The following GLUD1 variants were observed in gnomAD, a reference collection of about 807,000 sequenced individuals.
GLUD1 encodes the protein glutamate dehydrogenase 1, mitochondrial.
In GLUD1, 22 loss-of-function variants were observed where a neutral mutation model predicts 56.0. The observed-to-expected ratio is 0.39, with a 90% CI of 0.28 to 0.56. GLUD1 has a LOEUF of 0.56. Ranked by LOEUF, GLUD1 falls within the 20% of genes least tolerant of loss-of-function variation. The pLI, the probability that GLUD1 is intolerant of heterozygous loss-of-function variation, is 0.58. For missense variants in GLUD1, 451 were observed against 732.0 expected, an observed-to-expected ratio of 0.62 and a Z score of 4.43; for synonymous variants, 223 against 269.9, an observed-to-expected ratio of 0.83 and a Z score of 1.70.
At position 87,060,693 on chromosome 10, in the gene GLUD1, C is replaced by G; in HGVS notation, c.1192G>C (p.Ala398Pro). The G allele has an allele frequency of 6.2e-7, 1 of 1,614,118 alleles. No individual in the cohort carries two copies. The highest frequency in any genetic ancestry group is 2.2e-5 in the East Asian group (1 of 44,876). Residue 398 changes from alanine to proline, a missense_variant, in exon 8 of 13, where the codon GCC (alanine) becomes CCC (proline). Around this residue, in one of 4 missense-constraint regions of GLUD1, gnomAD observed 248 missense variants for 460.0 expected, o/e 0.54. Coordinates refer to ENST00000277865, the MANE Select transcript of GLUD1 (RefSeq NM_005271.5). ...GGTTTCTATAATGTTGTCACCTTGG[C>G]TTTGACTCTGGGTGCGTTGGATTTG... is the stretch of plus-strand genomic sequence containing the variant. ...LTKSNAPRVK[A>P]KIIAEGANGP...
chr10:87,071,184 T>C (rs1846229044), intron 4 of GLUD1, among the ~76,000 whole-genome samples: 1 of 152,038 alleles, frequency 6.6e-6, no homozygotes. Context: ...TATATTCTTT[T>C]TGTTTTTTTT....
chr10:87,067,582 C>T (rs571783218), intron 5 of GLUD1: 7 of 171,744 alleles, frequency 4.1e-5, no homozygotes, highest in South Asian at 1.4e-4. Flanking sequence ...ACAAACTGAA[C>T]GCTATTGTTT....
intron 1 of GLUD1, among the ~76,000 whole-genome samples, chr10:87,077,387 G>A (rs186028359): frequency 1.2e-4 from 19 of 152,150 alleles, no homozygotes; most frequent in African/African-American, 4.3e-4. Flanking sequence ...TGTCTAAACA[G>A]AGGTTTTGGC....
chr10:87,066,443 T>C (rs978135871), intron 5 of GLUD1, among the ~76,000 whole-genome samples: 1 of 152,206 alleles, frequency 6.6e-6, no homozygotes, highest in African/African-American at 2.4e-5. Context: ...TTTTTTCTAC[T>C]GGCCTTTCTT....
chr10:87,090,399 G>T (rs933923584), intron 1 of GLUD1, among the ~76,000 whole-genome samples: 1 of 152,194 alleles, frequency 6.6e-6, no homozygotes, highest in East Asian at 1.9e-4. Context: ...TGGATAATGA[G>T]TGAGCAGCTG....
intron 1 of GLUD1, among the ~76,000 whole-genome samples, chr10:87,080,085 G>C (rs1468676276): frequency 1.3e-5 from 2 of 151,798 alleles, no homozygotes; most frequent in African/African-American, 4.8e-5. Context: ...TTGCAGGCGC[G>C]CGCCGCCACG....
At chr10:87,069,514 C>CAAAAA (rs374019349) in intron 4 of GLUD1, among the ~76,000 whole-genome samples, 2 of 62,620 alleles carry the variant, frequency 3.2e-5, no homozygotes, top group Non-Finnish European at 6.6e-5. Context: ...GACTCTGTTT[C>CAAAAA]AAAAAAAAAA....
chr10:87,094,104 G>C lies in GLUD1; in HGVS notation c.445+221C>G. The C allele has an allele frequency of 6.6e-7, 1 of 1,503,872 alleles. No individual in the cohort carries two copies. The highest frequency in any genetic ancestry group is 8.9e-7 in the Non-Finnish European group (1 of 1,128,466). 93.2% of individuals were successfully genotyped at this position (1,503,872 alleles called of 1,614,324 possible). ...AGCATATACAGAGGCCCGGGGTGAC[G>C]GCGCGGGGGAGGGGGCAGGCCAATC... is the stretch of plus-strand genomic sequence containing the variant. On this transcript the variant is annotated intron_variant, in intron 1 of 12. Transcript: ENST00000277865. This position sits in a 1 kb window ranked among gnomAD's most constrained non-coding sequence, Gnocchi z 6.6.
intron 4 of GLUD1, among the ~76,000 whole-genome samples, chr10:87,072,741 G>C (rs1302228115): frequency 6.6e-6 from 1 of 152,182 alleles, no homozygotes; most frequent in Non-Finnish European, 1.5e-5. Context: ...GCAGATATGG[G>C]TGACAAATAT....
intron 4 of GLUD1, among the ~76,000 whole-genome samples, chr10:87,074,160 G>A (rs1406167915): frequency 6.6e-6 from 1 of 152,050 alleles, no homozygotes; most frequent in East Asian, 1.9e-4. Flanking sequence ...AGCAAACAAA[G>A]ATTAATATCT....
At chr10:87,089,990 G>T (rs1181564699) in intron 1 of GLUD1, among the ~76,000 whole-genome samples, 1 of 152,104 alleles carries the variant, frequency 6.6e-6, no homozygotes, top group Non-Finnish European at 1.5e-5. Context: ...AAATTTATGG[G>T]CTATTTATGA....
intron 8 of GLUD1, 118 bp from the exon 9 acceptor site, chr10:87,060,359 A>G: frequency 2.5e-6 from 2 of 807,104 alleles, no homozygotes; most frequent in Non-Finnish European, 4.5e-6. Context: ...AGTTTCAGTT[A>G]AAGTTAAATA....
chr10:87,059,076 T>G, intron 10 of GLUD1, 74 bp downstream of exon 10: 1 of 1,553,948 alleles, frequency 6.4e-7, no homozygotes, highest in Non-Finnish European at 8.9e-7. Flanking sequence ...ATCAGTTCTC[T>G]TAAGTGGACC....
At chr10:87,093,519 C>T (rs1235570262) in intron 1 of GLUD1, among the ~76,000 whole-genome samples, 1 of 152,080 alleles carries the variant, frequency 6.6e-6, no homozygotes, top group Admixed American at 6.5e-5. Flanking sequence ...ATTATCTGAC[C>T]CCTTTCTTCA....
At position 87,094,546 on chromosome 10, in the gene GLUD1, T is replaced by A; in HGVS notation, c.224A>T (p.Asp75Val). The A allele has an allele frequency of 6.2e-7, 1 of 1,612,382 alleles. No homozygotes were observed. The highest frequency in any genetic ancestry group is 8.5e-7 in the Non-Finnish European group (1 of 1,179,940). The change falls in exon 1 of 13, where the codon GAT becomes GTT. Residue 75 changes from aspartate (D) to valine (V), a missense_variant. By Grantham distance (152) the Asp-to-Val change is radical. This residue lies in a region of GLUD1 where 158 missense variants were observed against 189.7 expected (regional missense o/e 0.83). Coordinates refer to ENST00000277865, the MANE Select transcript of GLUD1 (RefSeq NM_005271.5). This position sits in a 1 kb window ranked among gnomAD's most constrained non-coding sequence, Gnocchi z 6.6. ...NFFKMVEGFF[D>V]RGASIVEDKL... Reference sequence around the variant, plus strand: ...GTCCTCCACGATGCTGGCGCCGCGATCGAAGAAGCCCTCCACCATCTTGAA... The same window carrying A: ...GTCCTCCACGATGCTGGCGCCGCGAACGAAGAAGCCCTCCACCATCTTGAA...
intron 5 of GLUD1, among the ~76,000 whole-genome samples, chr10:87,064,235 T>G (rs1460157931): frequency 1.3e-5 from 2 of 152,116 alleles, no homozygotes; most frequent in African/African-American, 2.4e-5. Context: ...ATTGAAGATG[T>G]GTGTATATTC....
intron 1 of GLUD1, among the ~76,000 whole-genome samples, chr10:87,090,643 G>A (rs907174900): frequency 9.2e-5 from 14 of 152,046 alleles, no homozygotes; most frequent in African/African-American, 3.4e-4. Flanking sequence ...AACAACCTCG[G>A]GGCTAAGTGC....
chr10:87,092,609 G>C, intron 1 of GLUD1: 2 of 981,010 alleles, frequency 2.0e-6, no homozygotes, highest in Non-Finnish European at 1.2e-6. Context: ...TTGCTTCAGT[G>C]AGTTTGCGGA....
At chr10:87,080,083 G>GC (rs1336509482) in intron 1 of GLUD1, among the ~76,000 whole-genome samples, 2 of 151,814 alleles carry the variant, frequency 1.3e-5, no homozygotes, top group African/African-American at 4.8e-5. Context: ...GATTGCAGGC[G>GC]CGCGCCGCCA....
Sources: allele counts gnomAD v4.1 joint callset (sites outside exome capture counted in the v4.1 genomes callset), GRCh38; gene constraint gnomAD v4.1.1; regional missense constraint gnomAD v4.1.1; non-coding constraint Gnocchi (gnomAD v3.1); transcripts MANE v1.5; gene names NCBI Gene and HGNC (gene_info 2026-07-23, HGNC 2026-07-21).